Variants in RAP1B observed in about 807,000 individuals in gnomAD.
RAP1B encodes the protein RAP1B, member of RAS oncogene family.
RAP1B carries 1 observed loss-of-function variant against 27.5 expected under a neutral mutation model. That is an observed-to-expected ratio of 0.04 (90% CI 0.01 to 0.17). The LOEUF (loss-of-function observed/expected upper bound fraction) is 0.17. Among genes scored for constraint, RAP1B ranks in the 10% least tolerant of loss-of-function variants. The pLI, the probability that RAP1B is intolerant of heterozygous loss-of-function variation, is 1.00. For synonymous variants in RAP1B, 75 were observed against 73.1 expected (o/e 1.03, Z -0.13); for missense variants, 84 against 214.8 (o/e 0.39, Z 3.81).
intron 1 of RAP1B, among the ~76,000 whole-genome samples, chr12:68,635,537 C>T (rs1437490708): frequency 6.6e-6 from 1 of 151,934 alleles, no homozygotes; most frequent in Non-Finnish European, 1.5e-5. Flanking sequence ...CTCACTGCAA[C>T]CTCCGCCTCC....
At chr12:68,615,475 G>T (rs780534467) in intron 1 of RAP1B, among the ~76,000 whole-genome samples, 3 of 151,980 alleles carry the variant, frequency 2.0e-5, no homozygotes, top group Non-Finnish European at 4.4e-5. Context: ...TGTAATCCGA[G>T]CTGCTTGGGA....
At chr12:68,652,675 G>A (rs79313447) in intron 4 of RAP1B, among the ~76,000 whole-genome samples, 11 of 151,822 alleles carry the variant, frequency 7.2e-5, no homozygotes, top group South Asian at 2.1e-4. Flanking sequence ...AAAATTAGCC[G>A]GGCGTGGTGT....
In RAP1B at chr12:68,650,649, A is replaced by G. The variant is rs538376370; in HGVS notation, c.126+181A>G. The G allele has an allele frequency of 4.8e-4, 218 of 458,482 alleles. 1 individual carries two copies. Among genetic ancestry groups the G allele is most frequent in the Non-Finnish European group, 6.7e-4 (193 of 287,852 alleles). The allele number at this position is 458,482 out of a possible 1,614,324, so 28.4% of individuals were successfully genotyped here. A position where few individuals can be genotyped will look rare whatever the true frequency, so the allele number is the denominator to read the frequency against. On this transcript the variant is annotated intron_variant, in intron 3 of 7. Coordinates refer to ENST00000250559, the MANE Select transcript of RAP1B (RefSeq NM_001010942.3). ...CAGTTTAAGAGGATCATAAACACCC[A>G]TACTCTCACATATTCACAGAATTTT...
intron 1 of RAP1B, among the ~76,000 whole-genome samples, chr12:68,618,513 G>A (rs1871178210): frequency 6.6e-6 from 1 of 152,164 alleles, no homozygotes; most frequent in Non-Finnish European, 1.5e-5. Flanking sequence ...TATTTTCAAG[G>A]TATGGTCCAA....
At chr12:68,632,761 C>T (rs1872358539) in intron 1 of RAP1B, among the ~76,000 whole-genome samples, 2 of 152,084 alleles carry the variant, frequency 1.3e-5, no homozygotes, top group African/African-American at 4.8e-5. Flanking sequence ...ATATAAGATA[C>T]TTAACTCTCC....
chr12:68,627,075 T>C (rs534368614), intron 1 of RAP1B: 2 of 1,593,472 alleles, frequency 1.3e-6, no homozygotes, highest in Non-Finnish European at 8.5e-7. Flanking sequence ...CTCAATCACA[T>C]GCTCCTTGTT....
At chr12:68,643,874 A>G (rs1481185815) in intron 1 of RAP1B, among the ~76,000 whole-genome samples, 1 of 152,166 alleles carries the variant, frequency 6.6e-6, no homozygotes, top group Non-Finnish European at 1.5e-5. Flanking sequence ...CTGTCAGGAA[A>G]AAAAATAAGC....
At chr12:68,637,858 T>A (rs898422242) in intron 1 of RAP1B, among the ~76,000 whole-genome samples, 1 of 152,136 alleles carries the variant, frequency 6.6e-6, no homozygotes, top group Non-Finnish European at 1.5e-5. Context: ...TCTCTTAAAA[T>A]GTCAGTTATT....
intron 1 of RAP1B, chr12:68,626,812 T>G: frequency 6.8e-7 from 1 of 1,469,520 alleles, no homozygotes; most frequent in Non-Finnish European, 9.3e-7. Flanking sequence ...TTGTTTTGGG[T>G]GGACAGGAAG....
chr12:68,651,660 C>T (rs920154822), intron 3 of RAP1B: 2 of 239,230 alleles, frequency 8.4e-6, no homozygotes, highest in Non-Finnish European at 1.7e-5. Flanking sequence ...ACTGTTGGAA[C>T]TGTTGCTGGT....
At chr12:68,619,167 T>C (rs1871225539) in intron 1 of RAP1B, among the ~76,000 whole-genome samples, 1 of 152,224 alleles carries the variant, frequency 6.6e-6, no homozygotes, top group Non-Finnish European at 1.5e-5. Flanking sequence ...AAAGTATTTG[T>C]GTGATTGAGT....
intron 1 of RAP1B, among the ~76,000 whole-genome samples, chr12:68,615,109 A>T (rs1165871063): frequency 6.6e-6 from 1 of 152,238 alleles, no homozygotes; most frequent in Non-Finnish European, 1.5e-5. Context: ...AACAAAAAAT[A>T]GTATCACTTA....
chr12:68,648,091 C>G (rs894590506), intron 1 of RAP1B: 1 of 152,176 alleles, frequency 6.6e-6, no homozygotes, highest in African/African-American at 2.4e-5. Flanking sequence ...TAATGATAAG[C>G]CTTGGTATGG....
rs1029000606 is a variant in RAP1B at position 68,666,108 on chromosome 12, C to T, written c.*6859C>T. ...CCTCGTGATCCATCTGCTTCAGCCT[C>T]CCAAAGTGCTGGGATTACTGGCATG... On this transcript the variant is annotated 3_prime_UTR_variant, in exon 8 of 8. Coordinates refer to ENST00000250559, the MANE Select transcript of RAP1B (RefSeq NM_001010942.3). The T allele has an allele frequency of 1.3e-5, 2 of 152,260 alleles. No homozygotes were observed. The highest frequency in any genetic ancestry group is 2.9e-5 in the Non-Finnish European group (2 of 68,078). 9.4% of individuals were successfully genotyped at this position (152,260 alleles called of 1,614,324 possible).
At chr12:68,624,772 G>C (rs1288956184) in intron 1 of RAP1B, 2 of 152,434 alleles carry the variant, frequency 1.3e-5, no homozygotes, top group Non-Finnish European at 2.9e-5. Flanking sequence ...CTGAGATCGT[G>C]CCACTGCACT....
chr12:68,616,615 G>A (rs1355041629), intron 1 of RAP1B, among the ~76,000 whole-genome samples: 1 of 151,908 alleles, frequency 6.6e-6, no homozygotes, highest in African/African-American at 2.4e-5. Flanking sequence ...TGTATTTTTA[G>A]TAGAGAGGGG....
intron 1 of RAP1B, chr12:68,642,802 G>A (rs878955410): frequency 1.5e-5 from 15 of 1,032,658 alleles, no homozygotes; most frequent in East Asian, 4.7e-5. Context: ...CCACCAAACC[G>A]GCCTTGGCCA....
In RAP1B at chr12:68,651,200, G is replaced by A. The variant is rs1402249051; in HGVS notation, c.126+732G>A. Among the ~76,000 whole-genome samples, 6 of 152,320 alleles carry A rather than the reference G, an allele frequency of 3.9e-5. No individual in the cohort carries two copies. In the South Asian group the frequency reaches 6.2e-4, roughly 16 times the overall value. On this transcript the variant is annotated intron_variant, in intron 3 of 7. Transcript: ENST00000250559. Reference sequence around the variant, plus strand: ...AGTTTTGGATTTTTAGATTAGGGATGCTCAGCCTATAGAAAGGTGAATTCC... The same window carrying A: ...AGTTTTGGATTTTTAGATTAGGGATACTCAGCCTATAGAAAGGTGAATTCC...
chr12:68,615,486 G>A (rs1000437630), intron 1 of RAP1B, among the ~76,000 whole-genome samples: 3 of 151,944 alleles, frequency 2.0e-5, no homozygotes. Flanking sequence ...CTGCTTGGGA[G>A]ACTGAGGCAG....
Sources: gnomAD v4.1 joint callset for allele counts (sites outside exome capture counted in the v4.1 genomes callset) on GRCh38, gnomAD v4.1.1 for gene constraint, MANE v1.5 for transcripts, NCBI Gene and HGNC (gene_info 2026-07-23, HGNC 2026-07-21) for gene names.